Variants in LIN9 observed in about 807,000 individuals in gnomAD.
LIN9 encodes lin-9 DREAM MuvB core complex component.
LIN9 carries 18 observed loss-of-function variants against 78.0 expected under a neutral mutation model. The observed-to-expected ratio is 0.23, with a 90% CI of 0.16 to 0.34. The LOEUF (loss-of-function observed/expected upper bound fraction) is 0.34, where lower values mean the gene tolerates loss of function less well. Ranked by LOEUF, LIN9 falls within the 10% of genes least tolerant of loss-of-function variation. The probability of loss-of-function intolerance (pLI) is 1.00; values close to 1 mark genes in which losing one functional copy is unlikely to be tolerated. For missense variants in LIN9, 451 were observed against 644.1 expected (o/e 0.70, Z 3.25); for synonymous variants, 192 against 215.2 (o/e 0.89, Z 0.94).
At chr1:226,277,334 G>A (rs1040057338) in intron 7 of LIN9, among the ~76,000 whole-genome samples, 2 of 151,322 alleles carry the variant, frequency 1.3e-5, no homozygotes, top group Non-Finnish European at 2.9e-5. Flanking sequence ...ATGTTACTTT[G>A]AACCAATACA....
chr1:226,291,187 T>A (rs1471251065), intron 4 of LIN9, among the ~76,000 whole-genome samples: 1 of 152,198 alleles, frequency 6.6e-6, no homozygotes, highest in Non-Finnish European at 1.5e-5. Context: ...ACAAACATGC[T>A]CAGGATGTTC....
At chr1:226,294,571 CAAA>C (rs1033784338) in intron 4 of LIN9, among the ~76,000 whole-genome samples, 2 of 126,812 alleles carry the variant, frequency 1.6e-5, no homozygotes, top group Non-Finnish European at 3.3e-5. Flanking sequence ...AACTCTGTCT[CAAA>C]AAAAAAAAAC....
intron 4 of LIN9, among the ~76,000 whole-genome samples, chr1:226,291,612 A>T (rs1352044211): frequency 6.6e-6 from 1 of 152,138 alleles, no homozygotes; most frequent in East Asian, 1.9e-4. Context: ...TCAAAATTTT[A>T]AAATTTTTAT....
intron 1 of LIN9, among the ~76,000 whole-genome samples, chr1:226,308,098 T>C (rs779795429): frequency 1.3e-5 from 2 of 152,236 alleles, no homozygotes; most frequent in African/African-American, 2.4e-5. Flanking sequence ...TAAGATTCAA[T>C]AGTAATTGAG....
chr1:226,289,227 T>G (rs1661571501), intron 4 of LIN9, among the ~76,000 whole-genome samples: 1 of 146,948 alleles, frequency 6.8e-6, no homozygotes, highest in Admixed American at 6.9e-5. Context: ...AGAGTGAGAC[T>G]CCATGTCAAA....
intron 11 of LIN9, among the ~76,000 whole-genome samples, chr1:226,245,041 A>T (rs758175347): frequency 6.6e-6 from 1 of 152,194 alleles, no homozygotes; most frequent in Non-Finnish European, 1.5e-5. Flanking sequence ...GAGCATTTTA[A>T]ATCTTGATAG....
chr1:226,290,477 A>AC (rs1216457945), intron 4 of LIN9, among the ~76,000 whole-genome samples: 5 of 151,618 alleles, frequency 3.3e-5, no homozygotes, highest in Admixed American at 1.3e-4. Flanking sequence ...AGTAGCTGGG[A>AC]CTACAGGCGC....
chr1:226,246,837 T>C (rs1414778532), intron 11 of LIN9, among the ~76,000 whole-genome samples: 2 of 151,246 alleles, frequency 1.3e-5, no homozygotes, highest in Non-Finnish European at 2.9e-5. Context: ...AAAGTCACTA[T>C]CAATTTATTT....
intron 4 of LIN9, among the ~76,000 whole-genome samples, chr1:226,295,085 G>A (rs1379676651): frequency 2.0e-5 from 3 of 152,006 alleles, no homozygotes; most frequent in Non-Finnish European, 4.4e-5. Context: ...ATAGTCATGA[G>A]CCACCATGCC....
At chr1:226,266,403 T>C in intron 8 of LIN9, 71 bp from the exon 9 acceptor site, 3 of 1,326,908 alleles carry the variant, frequency 2.3e-6, no homozygotes, top group Non-Finnish European at 3.1e-6. Context: ...ATCATTGTAT[T>C]TCAGCTTGAG....
chr1:226,258,220 G>C (rs1356421769), intron 10 of LIN9, among the ~76,000 whole-genome samples: 2 of 149,526 alleles, frequency 1.3e-5, no homozygotes, highest in African/African-American at 5.0e-5. Flanking sequence ...ACAAAACAGG[G>C]CTAGTCTCAG....
chr1:226,263,702 C>T (rs554790147), intron 10 of LIN9, among the ~76,000 whole-genome samples: 4 of 152,302 alleles, frequency 2.6e-5, no homozygotes, highest in South Asian at 2.1e-4. Flanking sequence ...ATCACATTTT[C>T]AATCTTTCAT....
At chr1:226,288,578 GTT>G (rs1661520994) in intron 4 of LIN9, among the ~76,000 whole-genome samples, 1 of 151,982 alleles carries the variant, frequency 6.6e-6, no homozygotes, top group African/African-American at 2.4e-5. Context: ...TAAATACAAA[GTT>G]GATATACAAA....
chr1:226,244,893 T>A (rs181873890), intron 11 of LIN9, among the ~76,000 whole-genome samples: 1 of 152,336 alleles, frequency 6.6e-6, no homozygotes, highest in Admixed American at 6.5e-5. Flanking sequence ...ATAAACATGC[T>A]CCTTCTTGAT....
chr1:226,299,187 G>A (rs898916713), intron 2 of LIN9, among the ~76,000 whole-genome samples: 6 of 151,976 alleles, frequency 3.9e-5, no homozygotes, highest in African/African-American at 2.4e-5. Flanking sequence ...AGAAATGTAC[G>A]TTACTTATAT....
intron 7 of LIN9, among the ~76,000 whole-genome samples, chr1:226,277,135 G>C (rs1241121083): frequency 6.6e-6 from 1 of 151,484 alleles, no homozygotes; most frequent in Non-Finnish European, 1.5e-5. Context: ...CTTGAGCCCG[G>C]GAGGTCGAGG....
rs1299228929 is a variant in LIN9 at position 226,292,955 on chromosome 1, AGTT to A, written c.264+2884_264+2886del. Among the ~76,000 whole-genome samples, 3 of 152,316 alleles carry A rather than the reference AGTT, an allele frequency of 2.0e-5. No individual in the cohort carries two copies. In the East Asian group the frequency reaches 5.8e-4, roughly 29 times the overall value. ...ATGTAACAGTAACCTATCTCATAGGAGTTGTTGAAGATTAAATCAAAGTAATAC... is the reference window on the plus strand; with the variant it reads ...ATGTAACAGTAACCTATCTCATAGGAGTTGAAGATTAAATCAAAGTAATAC... On this transcript the variant is annotated intron_variant, in intron 4 of 14. Coordinates refer to ENST00000681046, the MANE Select transcript of LIN9 (RefSeq NM_001366245.2).
At chr1:226,253,339 C>G (rs1658968743) in intron 10 of LIN9, among the ~76,000 whole-genome samples, 1 of 151,170 alleles carries the variant, frequency 6.6e-6, no homozygotes, top group South Asian at 2.1e-4. Flanking sequence ...GAATCTTGCT[C>G]TGTCGCCCAG....
At chr1:226,245,433 C>G (rs1328402165) in intron 11 of LIN9, among the ~76,000 whole-genome samples, 1 of 151,540 alleles carries the variant, frequency 6.6e-6, no homozygotes, top group Non-Finnish European at 1.5e-5. Flanking sequence ...TTTTTTCCCC[C>G]CCCCCAAGAA....
Sources: allele counts gnomAD v4.1 joint callset (sites outside exome capture counted in the v4.1 genomes callset), GRCh38; gene constraint gnomAD v4.1.1; transcripts MANE v1.5; gene names NCBI Gene and HGNC (gene_info 2026-07-23, HGNC 2026-07-21).